SLC2A4: variants seen among roughly 807,000 people sequenced by gnomAD.
The protein encoded by SLC2A4 is solute carrier family 2 member 4.
SLC2A4 carries 31 observed loss-of-function variants against 53.3 expected under a neutral mutation model. That is an observed-to-expected ratio of 0.58 (90% CI 0.44 to 0.78). The LOEUF is 0.78. Among genes scored for constraint, SLC2A4 ranks in the 30% least tolerant of loss-of-function variants. The pLI is 0.00. For missense variants in SLC2A4, 538 were observed against 655.7 expected (o/e 0.82, Z 1.96); for synonymous variants, 276 against 281.9 (o/e 0.98, Z 0.21).
Position 7,284,180 on chromosome 17 carries a change from T to A in SLC2A4, c.565-37T>A, listed in dbSNP as rs1321042603. The A allele has an allele frequency of 6.2e-6, 10 of 1,611,194 alleles. No individual in the cohort carries two copies. Among genetic ancestry groups the A allele is most frequent in the South Asian group, 3.3e-5 (3 of 91,084 alleles). On this transcript the variant is annotated intron_variant, in intron 5 of 10. Transcript: ENST00000317370. This position sits in a 1 kb window ranked among gnomAD's most constrained non-coding sequence, Gnocchi z 7.5. ...GGCTTCCAAGGTAAGGCAGAAGGGC[T>A]GAGTGACCTGCCTTCTTTCCCAACC...
In SLC2A4 at chr17:7,286,664, T is replaced by C. The variant is rs368421748; in HGVS notation, c.*35T>C. 1.2e-4 allele frequency: 186 copies of C among 1,570,272 alleles called. 1 individual carries two copies. Among genetic ancestry groups the C allele is most frequent in the South Asian group, 3.9e-4 (35 of 90,186 alleles). ...CAGGGGTGGGAGAGCCAGCTCTCTC[T>C]ACCCGGCCCAGAGACCCCTTCCTTT... is the stretch of plus-strand genomic sequence containing the variant. On this transcript the variant is annotated 3_prime_UTR_variant, in exon 11 of 11. Transcript: ENST00000317370.
chr17:7,283,893 G>C lies in SLC2A4; in HGVS notation c.448+31G>C, dbSNP rs745605510. 3.2e-5 allele frequency: 51 copies of C among 1,613,976 alleles called. No individual in the cohort carries two copies. The highest frequency in any genetic ancestry group is 4.3e-5 in the Non-Finnish European group (51 of 1,180,022). ...CACGGGCACCACAGCCCTGCCTAGC[G>C]CCCTGTTCTCTTTCACCATGCCTGG... is the stretch of plus-strand genomic sequence containing the variant. On this transcript the variant is annotated intron_variant, in intron 4 of 10. Coordinates refer to ENST00000317370, the MANE Select transcript of SLC2A4 (RefSeq NM_001042.3). The surrounding 1 kb of genome is among the most constrained non-coding windows in gnomAD (Gnocchi z 5.8).
Position 7,282,609 on chromosome 17 carries a change from C to A in SLC2A4, c.34-636C>A, listed in dbSNP as rs2143004709. On this transcript the variant is annotated intron_variant, in intron 1 of 10. Transcript: ENST00000317370. The surrounding 1 kb of genome is among the most constrained non-coding windows in gnomAD (Gnocchi z 4.1). The stretch of plus-strand genomic sequence containing the variant: ...GAACCCCTGGACGGCCCTCCCTGCA[C>A]GGAGGTTAGAGGGGGAGGGCAGGCC... Among the ~76,000 whole-genome samples, 1 of 152,288 alleles carries A rather than the reference C, an allele frequency of 6.6e-6. No individual in the cohort carries two copies. Among genetic ancestry groups the A allele is most frequent in the East Asian group, 1.9e-4 (1 of 5,174 alleles).
Position 7,281,741 on chromosome 17 carries a change from A to G in SLC2A4, c.-194A>G, listed in dbSNP as rs2072402948. 1 of 644,766 alleles carries G rather than the reference A, an allele frequency of 1.6e-6. No homozygotes were observed. Among genetic ancestry groups the G allele is most frequent in the African/African-American group, 1.8e-5 (1 of 54,894 alleles). 39.9% of individuals were successfully genotyped at this position (644,766 alleles called of 1,614,324 possible). Reference sequence around the variant, plus strand: ...GCGTCTTTTCCCCCAGCCCCGCTCCACCAGATCCGCGGGAGCCCCACTGCT... The same window carrying G: ...GCGTCTTTTCCCCCAGCCCCGCTCCGCCAGATCCGCGGGAGCCCCACTGCT... On this transcript the variant is annotated 5_prime_UTR_variant, in exon 1 of 11. Coordinates refer to ENST00000317370, the MANE Select transcript of SLC2A4 (RefSeq NM_001042.3).
rs754202042 is a variant in SLC2A4 at position 7,284,559 on chromosome 17, G to A, written c.802G>A (p.Glu268Lys). 8 of 1,614,232 alleles carry A rather than the reference G, an allele frequency of 5.0e-6. No homozygotes were observed. The highest frequency in any genetic ancestry group is 6.8e-6 in the Non-Finnish European group (8 of 1,180,054). Reference protein sequence around the residue: ...AELKDEKRKLERERPLSLLQL... With the variant: ...AELKDEKRKLKRERPLSLLQL... ...GCTGAAGGATGAGAAGCGGAAGCTG[G>A]AGCGTGAGCGGCCACTGTCCCTGCT... Residue 268 changes from glutamate (E) to lysine (K), a missense_variant, in exon 7 of 11, where the codon GAG becomes AAG. Glu to Lys is a moderately conservative substitution (Grantham distance 56). Coordinates refer to ENST00000317370, the MANE Select transcript of SLC2A4 (RefSeq NM_001042.3). This position sits in a 1 kb window ranked among gnomAD's most constrained non-coding sequence, Gnocchi z 7.5.
At position 7,281,801 on chromosome 17, in the gene SLC2A4, CG is replaced by C; in HGVS notation, c.-131del. On this transcript the variant is annotated 5_prime_UTR_variant, in exon 1 of 11. Transcript: ENST00000317370. The stretch of plus-strand genomic sequence containing the variant: ...CTTGGCTTGTGGCTGTGGGTCCCAT[CG>C]GGCCCGCCCTCGCACGTCACTCCGG... The C allele has an allele frequency of 2.2e-6, 2 of 891,430 alleles. No homozygotes were observed. Among genetic ancestry groups the C allele is most frequent in the South Asian group, 2.8e-5 (2 of 70,642 alleles). 55.2% of individuals were successfully genotyped at this position (891,430 alleles called of 1,614,324 possible).
rs1209554721 is a variant in SLC2A4 at position 7,281,749 on chromosome 17, C to A, written c.-186C>A. On this transcript the variant is annotated 5_prime_UTR_variant, in exon 1 of 11. Transcript: ENST00000317370. The stretch of plus-strand genomic sequence containing the variant: ...TCCCCCAGCCCCGCTCCACCAGATC[C>A]GCGGGAGCCCCACTGCTCTCCGGGT... 1.5e-5 allele frequency: 10 copies of A among 653,892 alleles called. No homozygotes were observed. Among genetic ancestry groups the A allele is most frequent in the Non-Finnish European group, 1.7e-5 (6 of 360,706 alleles). 40.5% of individuals were successfully genotyped at this position (653,892 alleles called of 1,614,324 possible).
In SLC2A4 at chr17:7,286,512, T is replaced by G. The variant is rs781389668; in HGVS notation, c.1413T>G (p.Thr471=). The G allele has an allele frequency of 1.2e-6, 2 of 1,614,162 alleles. No homozygotes were observed. Among genetic ancestry groups the G allele is most frequent in the South Asian group, 1.1e-5 (1 of 91,086 alleles). ...FIFTFLRVPE[T]RGRTFDQISA... Reference sequence around the variant, plus strand: ...TCACCTTCTTAAGAGTACCTGAAACTCGAGGCCGGACGTTTGACCAGATCT... The same window carrying G: ...TCACCTTCTTAAGAGTACCTGAAACGCGAGGCCGGACGTTTGACCAGATCT... The change falls in exon 11 of 11, where the codon ACT becomes ACG. Residue 471 remains threonine, a synonymous_variant. Transcript: ENST00000317370.
Position 7,283,652 on chromosome 17 carries a change from A to G in SLC2A4, c.323+7A>G. 6.2e-7 allele frequency: 1 copy of G among 1,613,744 alleles called. No homozygotes were observed. The highest frequency in any genetic ancestry group is 2.2e-5 in the East Asian group (1 of 44,836). On this transcript the variant is annotated splice_region_variant and intron_variant, in intron 3 of 10. Transcript: ENST00000317370. This position sits in a 1 kb window ranked among gnomAD's most constrained non-coding sequence, Gnocchi z 5.8. ...TCTCTCAGTGGCTTGGAAGGTTCGC[A>G]GCTGGAGGGCAGGGGTGGGGGAAAC...
rs1251863853 is a variant in SLC2A4, at chr17:7,283,924, C to T, written c.449-50C>T. The T allele has an allele frequency of 6.2e-7, 1 of 1,613,832 alleles. No individual in the cohort carries two copies. Among genetic ancestry groups the T allele is most frequent in the South Asian group, 1.1e-5 (1 of 91,060 alleles). ...TTCTCTTTCACCATGCCTGGGCTTTCAGATGGGAATGGACACCTGCCCTCA... is the reference window on the plus strand; with the variant it reads ...TTCTCTTTCACCATGCCTGGGCTTTTAGATGGGAATGGACACCTGCCCTCA... On this transcript the variant is annotated intron_variant, in intron 4 of 10. Transcript: ENST00000317370. This position sits in a 1 kb window ranked among gnomAD's most constrained non-coding sequence, Gnocchi z 5.8.
In SLC2A4 at chr17:7,284,784, G is replaced by A. The variant is rs2072434366; in HGVS notation, c.916-51G>A. The A allele has an allele frequency of 6.2e-7, 1 of 1,612,410 alleles. No individual in the cohort carries two copies. ...GTAGGGCCAGCCTGTTGTGGCTGGA[G>A]TAGAGGAAGGGGCATTCCTGCCATC... On this transcript the variant is annotated intron_variant, in intron 7 of 10. Transcript: ENST00000317370. The surrounding 1 kb of genome is among the most constrained non-coding windows in gnomAD (Gnocchi z 7.5).
chr17:7,284,245 C>T lies in SLC2A4; in HGVS notation c.593C>T (p.Thr198Ile). 1 of 1,613,486 alleles carries T rather than the reference C, an allele frequency of 6.2e-7. No individual in the cohort carries two copies. ...QVLGLESLLG[T>I]ASLWPLLLGL... Reference sequence around the variant, plus strand: ...CTGGGCTTGGAGTCCCTCCTGGGCACTGCCAGCCTGTGGCCACTGCTCCTG... The same window carrying T: ...CTGGGCTTGGAGTCCCTCCTGGGCATTGCCAGCCTGTGGCCACTGCTCCTG... Residue 198 changes from threonine to isoleucine, a missense_variant, in exon 6 of 11, where the codon ACT becomes ATT. Thr to Ile is a moderately conservative substitution (Grantham distance 89, BLOSUM62 -1). Transcript: ENST00000317370. This position sits in a 1 kb window ranked among gnomAD's most constrained non-coding sequence, Gnocchi z 7.5.
chr17:7,284,919 A>G lies in SLC2A4; in HGVS notation c.1000A>G (p.Thr334Ala), dbSNP rs749501766. The G allele has an allele frequency of 8.1e-6, 13 of 1,613,902 alleles. No homozygotes were observed. The highest frequency in any genetic ancestry group is 1.3e-5 in the African/African-American group (1 of 74,864). Residue 334 changes from threonine to alanine, a missense_variant, in exon 8 of 11, where the codon ACA (threonine) becomes GCA (alanine). Thr to Ala is a moderately conservative substitution (Grantham distance 58). Coordinates refer to ENST00000317370, the MANE Select transcript of SLC2A4 (RefSeq NM_001042.3). This position sits in a 1 kb window ranked among gnomAD's most constrained non-coding sequence, Gnocchi z 7.5. ...YATIGAGVVN[T>A]VFTLVSVLLV... ...CACCATAGGAGCTGGTGTGGTCAAC[A>G]CAGTCTTCACCTTGGTCTCGGTAAC... is the stretch of plus-strand genomic sequence containing the variant.
At position 7,282,048 on chromosome 17, in the gene SLC2A4, G is replaced by A; in HGVS notation, c.33+81G>A. 1 of 1,236,832 alleles carries A rather than the reference G, an allele frequency of 8.1e-7. No individual in the cohort carries two copies. Among genetic ancestry groups the A allele is most frequent in the South Asian group, 1.3e-5 (1 of 78,908 alleles). 76.6% of individuals were successfully genotyped at this position (1,236,832 alleles called of 1,614,324 possible). A position where few individuals can be genotyped will look rare whatever the true frequency, so the allele number is the denominator to read the frequency against. On this transcript the variant is annotated intron_variant, in intron 1 of 10. Coordinates refer to ENST00000317370, the MANE Select transcript of SLC2A4 (RefSeq NM_001042.3). The surrounding 1 kb of genome is among the most constrained non-coding windows in gnomAD (Gnocchi z 4.1). ...GCTGGGGTCGCGGTTGGGGTCAGCT[G>A]GGGGTGGTTCCTGCGCAGGCGCAGG...
chr17:7,283,439 G>T lies in SLC2A4; in HGVS notation c.151-34G>T. 1 of 1,612,870 alleles carries T rather than the reference G, an allele frequency of 6.2e-7. No homozygotes were observed. The highest frequency in any genetic ancestry group is 8.5e-7 in the Non-Finnish European group (1 of 1,179,362). On this transcript the variant is annotated intron_variant, in intron 2 of 10. Coordinates refer to ENST00000317370, the MANE Select transcript of SLC2A4 (RefSeq NM_001042.3). This position sits in a 1 kb window ranked among gnomAD's most constrained non-coding sequence, Gnocchi z 5.8. ...TCTCGGGGGTGGTGGAAAGGGGACG[G>T]TCTGCAGGAAATCTGTCCTCTGCTG...
chr17:7,283,159 G>C lies in SLC2A4; in HGVS notation c.34-86G>C. On this transcript the variant is annotated intron_variant, in intron 1 of 10. Coordinates refer to ENST00000317370, the MANE Select transcript of SLC2A4 (RefSeq NM_001042.3). The surrounding 1 kb of genome is among the most constrained non-coding windows in gnomAD (Gnocchi z 5.8). ...TGTTGGGTGGAGCCCAGTATCTTCA[G>C]GCTCCAGCTGGGCCCGGGCCCCTAG... 9.5e-7 allele frequency: 1 copy of C among 1,048,338 alleles called. No homozygotes were observed. Among genetic ancestry groups the C allele is most frequent in the South Asian group, 1.3e-5 (1 of 79,272 alleles). The allele number at this position is 1,048,338 out of a possible 1,614,324, so 64.9% of individuals were successfully genotyped here.
Position 7,285,727 on chromosome 17 carries a change from A to G in SLC2A4, c.1145A>G (p.Tyr382Cys), listed in dbSNP as rs1470192409. ...LLLERVPAMS[Y>C]VSIVAIFGFV... ...TAGGAGCGAGTTCCAGCCATGAGCTACGTCTCCATTGTGGCCATCTTTGGC... is the reference window on the plus strand; with the variant it reads ...TAGGAGCGAGTTCCAGCCATGAGCTGCGTCTCCATTGTGGCCATCTTTGGC... The change falls in exon 10 of 11, where the codon TAC becomes TGC. Residue 382 changes from tyrosine (Y) to cysteine (C), a missense_variant. Transcript: ENST00000317370. This position sits in a 1 kb window ranked among gnomAD's most constrained non-coding sequence, Gnocchi z 6.0. 4 of 1,614,146 alleles carry G rather than the reference A, an allele frequency of 2.5e-6. No individual in the cohort carries two copies. Among genetic ancestry groups the G allele is most frequent in the Non-Finnish European group, 3.4e-6 (4 of 1,180,016 alleles).
At chr17:7,286,308 C>G in intron 10 of SLC2A4, 118 bp from the exon 11 acceptor site, 1 of 818,630 alleles carries the variant, frequency 1.2e-6, no homozygotes. Context: ...CTGGAGGAGG[C>G]AGCTGCTGTC....
At position 7,281,855 on chromosome 17, in the gene SLC2A4, G is replaced by C. The variant is rs1473400832; in HGVS notation, c.-80G>C. 3.4e-6 allele frequency: 5 copies of C among 1,482,568 alleles called. No individual in the cohort carries two copies. The African/African-American group carries it at 5.6e-5, about 17-fold the overall frequency. The allele number at this position is 1,482,568 out of a possible 1,614,324, so 91.8% of individuals were successfully genotyped here. A position where few individuals can be genotyped will look rare whatever the true frequency, so the allele number is the denominator to read the frequency against. ...CCCCCGCGGCCTCCGCAGGTTCTGC[G>C]CTCCAGGCCGGAGTCAGAGACTCCA... On this transcript the variant is annotated 5_prime_UTR_variant, in exon 1 of 11. Coordinates refer to ENST00000317370, the MANE Select transcript of SLC2A4 (RefSeq NM_001042.3).
Sources: gnomAD v4.1 joint callset for allele counts (sites outside exome capture counted in the v4.1 genomes callset) on GRCh38, gnomAD v4.1.1 for gene constraint, Gnocchi (gnomAD v3.1) non-coding constraint, MANE v1.5 for transcripts, NCBI Gene and HGNC (gene_info 2026-07-23, HGNC 2026-07-21) for gene names.